The following LITAF variants were observed in gnomAD, a reference collection of about 807,000 sequenced individuals.
LITAF encodes lipopolysaccharide-induced tumor necrosis factor-alpha factor.
In LITAF, 9 loss-of-function variants were observed where a neutral mutation model predicts 14.5. The ratio of observed to expected loss-of-function variants is 0.62; its 90% CI spans 0.37 to 1.08. The LOEUF is 1.08. Among genes scored for constraint, LITAF ranks in the 50% least tolerant of loss-of-function variants. The probability of loss-of-function intolerance (pLI) is 0.01; values close to 1 mark genes in which losing one functional copy is unlikely to be tolerated. For synonymous variants in LITAF, 98 were observed against 88.2 expected (o/e 1.11, Z -0.62); for missense variants, 206 against 213.4 (o/e 0.97, Z 0.22).
At chr16:11,590,124 C>A (rs2064839008), upstream of LITAF, among the ~76,000 whole-genome samples, 1 of 67,120 alleles carries the variant, frequency 1.5e-5, no homozygotes, top group Non-Finnish European at 2.8e-5. Flanking sequence ...GAGACCCCAT[C>A]TCTAAAAAAA....
At chr16:11,602,076 G>A (rs1433479789), upstream of LITAF, among the ~76,000 whole-genome samples, 2 of 152,198 alleles carry the variant, frequency 1.3e-5, no homozygotes, top group African/African-American at 4.8e-5. Context: ...TCTGCCCAAT[G>A]GGGCCGGGTG....
At chr16:11,566,414 A>T (rs1310099849) in intron 1 of LITAF, among the ~76,000 whole-genome samples, 1 of 152,216 alleles carries the variant, frequency 6.6e-6, no homozygotes, top group Non-Finnish European at 1.5e-5. Flanking sequence ...CAGTTTGTAG[A>T]AAGCAATACC....
upstream of LITAF, among the ~76,000 whole-genome samples, chr16:11,639,156 T>G: frequency 6.7e-6 from 1 of 148,222 alleles, no homozygotes; most frequent in African/African-American, 2.5e-5. Flanking sequence ...TGGTCAGAGG[T>G]AGGGATGGAT....
intron 2 of LITAF, among the ~76,000 whole-genome samples, chr16:11,555,124 C>A (rs959810262): frequency 2.6e-5 from 4 of 152,040 alleles, no homozygotes; most frequent in African/African-American, 9.7e-5. Flanking sequence ...CCTCAACCTC[C>A]TGGGCTTAAG....
At chr16:11,631,869 G>C (rs944068661) in intron 3 of LITAF, among the ~76,000 whole-genome samples, 37 of 73,184 alleles carry the variant, frequency 5.1e-4, no homozygotes, top group African/African-American at 2.0e-3. Context: ...TTTTTTTTTT[G>C]AGACGGAGTC....
chr16:11,549,059 A>AC lies in LITAF; in HGVS notation c.*577_*578insG, dbSNP rs1455754755. The AC allele has an allele frequency of 2.2e-6, 1 of 453,592 alleles. No homozygotes were observed. Among genetic ancestry groups the AC allele is most frequent in the Non-Finnish European group, 4.4e-6 (1 of 226,706 alleles). 28.1% of individuals were successfully genotyped at this position (453,592 alleles called of 1,614,324 possible). A position where few individuals can be genotyped will look rare whatever the true frequency, so the allele number is the denominator to read the frequency against. On this transcript the variant is annotated 3_prime_UTR_variant, in exon 4 of 4. Transcript: ENST00000622633. This position sits in a 1 kb window ranked among gnomAD's most constrained non-coding sequence, Gnocchi z 4.6. Reference sequence around the variant, plus strand: ...AATAGCCCCCTCCTTGTATTTAAAAAAAAAATTAAGAAATTAAAGTGAATC... The same window carrying AC: ...AATAGCCCCCTCCTTGTATTTAAAAACAAAAATTAAGAAATTAAAGTGAATC...
At chr16:11,614,642 C>G (rs1423490886) in intron 3 of LITAF, among the ~76,000 whole-genome samples, 2 of 152,030 alleles carry the variant, frequency 1.3e-5, no homozygotes, top group Non-Finnish European at 2.9e-5. Flanking sequence ...CTCTGTCACC[C>G]AGACTGGAAT....
At chr16:11,591,714 C>T (rs1028844827), upstream of LITAF, among the ~76,000 whole-genome samples, 1 of 152,078 alleles carries the variant, frequency 6.6e-6, no homozygotes, top group African/African-American at 2.4e-5. Flanking sequence ...GATCTTGGCT[C>T]ACTGCAACAT....
At chr16:11,614,403 A>C (rs1466397811) in intron 3 of LITAF, among the ~76,000 whole-genome samples, 2 of 148,944 alleles carry the variant, frequency 1.3e-5, no homozygotes. Flanking sequence ...AGGTTCAAGC[A>C]ATTTTCCTGC....
intron 3 of LITAF, among the ~76,000 whole-genome samples, chr16:11,630,886 G>A (rs28455702): frequency 0.025 from 3,795 of 152,096 alleles, 174 homozygotes; most frequent in African/African-American, 0.086. Context: ...CATGGGCCAC[G>A]GTGCCCGGCC....
Position 11,553,552 on chromosome 16 carries a change from C to T in LITAF, c.358G>A (p.Gly120Arg), listed in dbSNP as rs1475192470. 2 of 1,613,974 alleles carry T rather than the reference C, an allele frequency of 1.2e-6. No homozygotes were observed. Among genetic ancestry groups the T allele is most frequent in the Admixed American group, 1.7e-5 (1 of 60,000 alleles). The change falls in exon 3 of 4, where the codon GGG becomes AGG. Residue 120 changes from glycine to arginine, a missense_variant. Transcript: ENST00000622633. This position sits in a 1 kb window ranked among gnomAD's most constrained non-coding sequence, Gnocchi z 7.7. ...ACTCACCCCAGCAGGCACAGGCTCC[C>T]GCAGGACAGCCAGGTCAGAGCACCG... ...NAGALTWLSC[G>R]SLCLLGCIAG...
chr16:11,592,660 T>C (rs1267352520), intron 1 of LITAF, among the ~76,000 whole-genome samples: 1 of 150,818 alleles, frequency 6.6e-6, no homozygotes, highest in African/African-American at 2.4e-5. Context: ...CATGAAAAGA[T>C]GTTCATCATC....
At chr16:11,637,868 G>A (rs1296108879), upstream of LITAF, among the ~76,000 whole-genome samples, 1 of 127,622 alleles carries the variant, frequency 7.8e-6, no homozygotes, top group Non-Finnish European at 1.6e-5. Flanking sequence ...GTGACAGAGT[G>A]AGAACCTTCC....
At chr16:11,628,279 G>A (rs189610195) in intron 3 of LITAF, among the ~76,000 whole-genome samples, 204 of 152,172 alleles carry the variant, frequency 1.3e-3, no homozygotes, top group Middle Eastern at 3.4e-3. Context: ...ACTTGGGGCC[G>A]CCCCAGATTT....
At chr16:11,595,069 T>G (rs932983642) in intron 1 of LITAF, among the ~76,000 whole-genome samples, 2 of 152,174 alleles carry the variant, frequency 1.3e-5, no homozygotes, top group Non-Finnish European at 2.9e-5. Flanking sequence ...AGGAACCCAG[T>G]TGCCAGTAAA....
upstream of LITAF, among the ~76,000 whole-genome samples, chr16:11,592,012 G>C (rs897063351): frequency 3.9e-5 from 6 of 152,178 alleles, no homozygotes; most frequent in Non-Finnish European, 8.8e-5. Flanking sequence ...GGAAACAACA[G>C]CATAAATCTT....
chr16:11,606,826 G>C (rs1218942672), intron 3 of LITAF, among the ~76,000 whole-genome samples: 1 of 151,802 alleles, frequency 6.6e-6, no homozygotes, highest in Admixed American at 6.6e-5. Context: ...TTTAGTAGAG[G>C]TGGGGTTTTG....
upstream of LITAF, among the ~76,000 whole-genome samples, chr16:11,637,412 C>T (rs1430543928): frequency 6.6e-6 from 1 of 152,244 alleles, no homozygotes; most frequent in African/African-American, 2.4e-5. Context: ...GGCAGAACTA[C>T]TCAGTCCTCT....
chr16:11,572,775 T>G (rs1001874125), intron 1 of LITAF, among the ~76,000 whole-genome samples: 1 of 152,160 alleles, frequency 6.6e-6, no homozygotes, highest in Non-Finnish European at 1.5e-5. Context: ...TTGGAAAAAC[T>G]GGTGATGTCC....
Sources: allele counts gnomAD v4.1 joint callset (sites outside exome capture counted in the v4.1 genomes callset), GRCh38; gene constraint gnomAD v4.1.1; non-coding constraint Gnocchi (gnomAD v3.1); transcripts MANE v1.5; gene names NCBI Gene and HGNC (gene_info 2026-07-23, HGNC 2026-07-21).